The following CFAP47 variants were observed in gnomAD, a reference collection of about 807,000 sequenced individuals.
The protein encoded by CFAP47 is cilia- and flagella-associated protein 47.
In CFAP47, 29 loss-of-function variants were observed where a neutral mutation model predicts 148.1. The ratio of observed to expected loss-of-function variants is 0.20; its 90% CI spans 0.15 to 0.27. CFAP47 has a LOEUF of 0.27. CFAP47 is among the 10% of genes least tolerant of loss of function. The pLI is 1.00. For synonymous variants in CFAP47, 664 were observed against 577.3 expected, an observed-to-expected ratio of 1.15 and a Z score of -2.15; for missense variants, 1,872 against 1,697.5, an observed-to-expected ratio of 1.10 and a Z score of -1.81.
Position 36,188,688 on chromosome X carries a change from C to A in CFAP47, c.6173C>A (p.Thr2058Asn). The change falls in exon 41 of 64, where the codon ACC becomes AAC. Residue 2058 changes from threonine to asparagine, a missense_variant and splice_region_variant. Physicochemically the swap from Thr to Asn is moderately conservative, Grantham distance 65. Transcript: ENST00000378653. ...GCSDSPNVLH[T>N]SIKSTFIREF... Reference sequence around the variant, plus strand: ...TCCGATTCCCCAAATGTCTTACATACCTGTGAGTACCTAAATAAAAGTTTT... The same window carrying A: ...TCCGATTCCCCAAATGTCTTACATAACTGTGAGTACCTAAATAAAAGTTTT... 1 of 296,996 alleles carries A rather than the reference C, an allele frequency of 3.4e-6. No homozygotes were observed. Among genetic ancestry groups the A allele is most frequent in the Non-Finnish European group, 5.9e-6 (1 of 170,021 alleles). The allele number at this position is 296,996 out of a possible 1,213,427, so 24.5% of individuals were successfully genotyped here.
intron 46 of CFAP47, among the ~76,000 whole-genome samples, chrX:36,233,189 A>T (rs1473469466): frequency 3.6e-5 from 4 of 110,892 alleles, no homozygotes; most frequent in Admixed American, 1.9e-4. Context: ...TCTGTCTCGT[A>T]GATCTGTCTA....
intron 31 of CFAP47, among the ~76,000 whole-genome samples, chrX:36,099,300 G>A (rs1051645365): frequency 1.8e-5 from 2 of 110,599 alleles, no homozygotes; most frequent in Admixed American, 9.8e-5. Context: ...AGTTTACTTT[G>A]TGGTAACCTA....
chrX:35,924,255 A>G (rs1214136015), intron 1 of CFAP47, among the ~76,000 whole-genome samples: 4 of 82,409 alleles, frequency 4.9e-5, no homozygotes, highest in South Asian at 4.9e-4. Flanking sequence ...GTGCATATGG[A>G]CATGTATGTG....
In CFAP47 at chrX:36,361,481, C is replaced by T. The variant is rs782097469; in HGVS notation, c.9003C>T (p.Phe3001=). 2.8e-5 allele frequency: 29 copies of T among 1,045,252 alleles called. No individual in the cohort carries two copies. The South Asian group carries it at 6.3e-4, about 23-fold the overall frequency. The allele number at this position is 1,045,252 out of a possible 1,213,427, so 86.1% of individuals were successfully genotyped here. A position where few individuals can be genotyped will look rare whatever the true frequency, so the allele number is the denominator to read the frequency against. ...KRITFIFNLV[F]TPKKPLRSHI... ...TAACATTTATCTTCAATCTGGTATTCACACCAAAGAAACCATTAAGGTAAA... is the reference window on the plus strand; with the variant it reads ...TAACATTTATCTTCAATCTGGTATTTACACCAAAGAAACCATTAAGGTAAA... Residue 3001 remains phenylalanine, a synonymous_variant, in exon 61 of 64, where the codon TTC becomes TTT. Coordinates refer to ENST00000378653, the MANE Select transcript of CFAP47 (RefSeq NM_001304548.2).
chrX:36,096,668 C>CT lies in CFAP47; in HGVS notation c.4917-2116dup, dbSNP rs1474557483. On this transcript the variant is annotated intron_variant, in intron 30 of 63. Transcript: ENST00000378653. ...TTTGATACAAGTATAGCTACTCCTG[C>CT]TTTTTTTTTATTTCCATTAGCATGG... is the stretch of plus-strand genomic sequence containing the variant. 1.2e-3 allele frequency among the ~76,000 whole-genome samples: 135 copies of CT among 108,346 alleles called. 1 individual carries two copies. The highest frequency in any genetic ancestry group is 2.8e-3 in the African/African-American group (84 of 29,975). The allele number at this position is 108,346 out of a possible 115,157, so 94.1% of individuals were successfully genotyped here. A position where few individuals can be genotyped will look rare whatever the true frequency, so the allele number is the denominator to read the frequency against.
At chrX:36,228,996 T>A (rs1196697232) in intron 46 of CFAP47, among the ~76,000 whole-genome samples, 172 bp downstream of exon 46, 1 of 111,838 alleles carries the variant, frequency 8.9e-6, no homozygotes, top group Non-Finnish European at 1.9e-5. Flanking sequence ...TGTTATTATG[T>A]TACTCATCTC....
At chrX:35,997,172 A>G in intron 18 of CFAP47, 140 bp from the exon 19 acceptor site, 1 of 248,498 alleles carries the variant, frequency 4.0e-6, no homozygotes, top group Non-Finnish European at 7.2e-6. Context: ...GATGACAATT[A>G]CCAGAAAAAA....
At chrX:36,346,156 CT>C in intron 57 of CFAP47, among the ~76,000 whole-genome samples, 1 of 111,285 alleles carries the variant, frequency 9.0e-6, no homozygotes, top group Middle Eastern at 4.6e-3. Context: ...TTCTTCAAAC[CT>C]CTGGAAATTT....
intron 62 of CFAP47, among the ~76,000 whole-genome samples, chrX:36,375,746 C>T (rs1556022803): frequency 8.9e-6 from 1 of 112,322 alleles, no homozygotes; most frequent in Non-Finnish European, 1.9e-5. Flanking sequence ...TAAATAAAAA[C>T]TTTCACCTTT....
intron 23 of CFAP47, among the ~76,000 whole-genome samples, chrX:36,034,980 CTA>C (rs202203568): frequency 3.7e-4 from 40 of 108,873 alleles, no homozygotes; most frequent in Non-Finnish European, 5.4e-4. Flanking sequence ...CCCTCTCTCT[CTA>C]TATATATATA....
chrX:36,176,774 A>T lies in CFAP47; in HGVS notation c.6027-2571A>T, dbSNP rs193121988. Among the ~76,000 whole-genome samples the T allele has an allele frequency of 1.0e-3, 116 of 111,897 alleles. 1 individual carries two copies. The highest frequency in any genetic ancestry group is 3.5e-3 in the African/African-American group (108 of 30,849). ...AAAAAAATTAGCCGCGCATGGTGGC[A>T]TGCACCTGTAATCCCAGCTACTTGG... On this transcript the variant is annotated intron_variant, in intron 39 of 63. Transcript: ENST00000378653.
At chrX:36,146,240 T>A in intron 36 of CFAP47, among the ~76,000 whole-genome samples, 1 of 111,904 alleles carries the variant, frequency 8.9e-6, no homozygotes, top group East Asian at 2.8e-4. Flanking sequence ...TATAATTTAT[T>A]ACTGTTAACT....
chrX:36,295,227 G>GA (rs1941231099), intron 51 of CFAP47, among the ~76,000 whole-genome samples: 1 of 112,155 alleles, frequency 8.9e-6, no homozygotes, highest in Non-Finnish European at 1.9e-5. Context: ...TGAGTTTCAA[G>GA]AAAAAATCAG....
chrX:36,081,569 A>G (rs1937983635), intron 29 of CFAP47, among the ~76,000 whole-genome samples: 1 of 111,288 alleles, frequency 9.0e-6, no homozygotes, highest in South Asian at 3.8e-4. Flanking sequence ...AATATTCCTG[A>G]TGAACATAGA....
At chrX:36,355,817 G>A (rs1941781207) in intron 60 of CFAP47, among the ~76,000 whole-genome samples, 1 of 111,578 alleles carries the variant, frequency 9.0e-6, no homozygotes, top group Admixed American at 9.5e-5. Flanking sequence ...AATATTGTGT[G>A]GTGCACTTAA....
At chrX:36,105,041 C>T (rs1938443168) in intron 33 of CFAP47, among the ~76,000 whole-genome samples, 1 of 111,262 alleles carries the variant, frequency 9.0e-6, no homozygotes, top group Non-Finnish European at 1.9e-5. Context: ...TATAACTAGT[C>T]GAGATCAAGT....
chrX:36,116,040 C>T (rs1011840365), intron 33 of CFAP47, among the ~76,000 whole-genome samples: 1 of 111,949 alleles, frequency 8.9e-6, no homozygotes, highest in African/African-American at 3.2e-5. Context: ...ACACTGTAAC[C>T]GTTGCAGTTT....
Position 35,951,142 on chromosome X carries a change from A to G in CFAP47, c.668A>G (p.Gln223Arg), listed in dbSNP as rs771360275. 3.3e-6 allele frequency: 4 copies of G among 1,207,125 alleles called. No homozygotes were observed. The highest frequency in any genetic ancestry group is 3.5e-5 in the South Asian group (2 of 56,803). ...TTATTATCCTGTAGAGTGATTTTGC[A>G]AGGTCAACCTGAGATGCTCTTGAGT... ...IVDEEAIVIL[Q>R]GQPEMLLSIK... Residue 223 changes from glutamine to arginine, a missense_variant, in exon 5 of 64, where the codon CAA (glutamine) becomes CGA (arginine). Transcript: ENST00000378653.
At chrX:35,951,400 TAAAAG>T (rs1348663847) in intron 5 of CFAP47, 41 bp downstream of exon 5, 2 of 842,976 alleles carry the variant, frequency 2.4e-6, no homozygotes, top group African/African-American at 4.1e-5. Flanking sequence ...TATTATGACT[TAAAAG>T]AGATTGTGTT....
Sources: allele counts gnomAD v4.1 joint callset (sites outside exome capture counted in the v4.1 genomes callset), GRCh38; gene constraint gnomAD v4.1.1; transcripts MANE v1.5; gene names NCBI Gene and HGNC (gene_info 2026-07-23, HGNC 2026-07-21).